ARIH2: variants seen among roughly 807,000 people sequenced by gnomAD.
ARIH2 encodes E3 ubiquitin-protein ligase ARIH2.
ARIH2 carries 12 observed loss-of-function variants against 79.8 expected under a neutral mutation model. The ratio of observed to expected loss-of-function variants is 0.15; its 90% CI spans 0.10 to 0.24. The LOEUF (loss-of-function observed/expected upper bound fraction) is 0.24, where lower values mean the gene tolerates loss of function less well. Among genes scored for constraint, ARIH2 ranks in the 10% least tolerant of loss-of-function variants. The pLI is 1.00. For synonymous variants in ARIH2, 224 were observed against 213.9 expected (o/e 1.05, Z -0.41); for missense variants, 301 against 618.3 (o/e 0.49, Z 5.44).
rs1368321416 is a variant in ARIH2 at position 48,919,334 on chromosome 3, C to T, written c.-162+336C>T. 3 of 702,314 alleles carry T rather than the reference C, an allele frequency of 4.3e-6. No homozygotes were observed. In the Admixed American group the frequency reaches 1.3e-4, roughly 31 times the overall value. 43.5% of individuals were successfully genotyped at this position (702,314 alleles called of 1,614,324 possible). On this transcript the variant is annotated intron_variant, in intron 1 of 15. Coordinates refer to ENST00000356401, the MANE Select transcript of ARIH2 (RefSeq NM_006321.4). ...CCTCGGGGCTCACCACTCGAGTCAT[C>T]TTTGGGAGCTCTCGCAGCGCTGCCC...
intron 3 of ARIH2, among the ~76,000 whole-genome samples, chr3:48,957,735 CAG>C (rs1303734054): frequency 1.3e-5 from 2 of 152,064 alleles, no homozygotes; most frequent in East Asian, 3.9e-4. Context: ...GTTTTTGAGA[CAG>C]AGTCTTACTC....
intron 2 of ARIH2, among the ~76,000 whole-genome samples, chr3:48,923,641 C>A (rs749328616): frequency 2.6e-4 from 40 of 151,738 alleles, no homozygotes; most frequent in Non-Finnish European, 5.2e-4. Context: ...CCTGCTTCAA[C>A]CTCCTGAGTA....
intron 3 of ARIH2, among the ~76,000 whole-genome samples, chr3:48,935,187 C>T (rs959823301): frequency 5.9e-5 from 9 of 152,166 alleles, no homozygotes; most frequent in South Asian, 2.1e-4. Context: ...GAACCTACTA[C>T]GCCTCCTGTT....
chr3:48,981,543 C>CTA, intron 13 of ARIH2, 117 bp from the exon 14 acceptor site: 1 of 709,206 alleles, frequency 1.4e-6, no homozygotes, highest in Non-Finnish European at 2.4e-6. Flanking sequence ...TCTTTCAGGC[C>CTA]TATATCTATA....
Position 48,927,775 on chromosome 3 carries a change from C to G in ARIH2, c.217C>G (p.Leu73Val). The G allele has an allele frequency of 6.2e-7, 1 of 1,614,172 alleles. No homozygotes were observed. Among genetic ancestry groups the G allele is most frequent in the Non-Finnish European group, 8.5e-7 (1 of 1,180,022 alleles). Residue 73 changes from leucine (L) to valine (V), a missense_variant, in exon 3 of 16, where the codon CTC becomes GTC. By Grantham distance (32) the Leu-to-Val change is conservative. Transcript: ENST00000356401. ...CLTYKESEGA[L>V]NEHMTSLASV... ...GACCTACAAGGAATCTGAGGGTGCC[C>G]TCAATGAGCACATGACCAGCTTAGC...
At position 48,983,906 on chromosome 3, in the gene ARIH2, G is replaced by A. The variant is rs1330978489; in HGVS notation, c.*636G>A. The A allele has an allele frequency of 1.3e-5, 2 of 152,782 alleles. No homozygotes were observed. The highest frequency in any genetic ancestry group is 1.9e-4 in the East Asian group (1 of 5,200). The allele number at this position is 152,782 out of a possible 1,614,324, so 9.5% of individuals were successfully genotyped here. ...GCCTCCTGCCTTACCGTGGCAGTAC[G>A]GAGACAGTCCAGAACATGGTCTTCT... On this transcript the variant is annotated 3_prime_UTR_variant, in exon 16 of 16. Transcript: ENST00000356401.
At chr3:48,982,067 T>G (rs190652474) in intron 14 of ARIH2, among the ~76,000 whole-genome samples, 59 of 152,364 alleles carry the variant, frequency 3.9e-4, no homozygotes, top group Non-Finnish European at 2.6e-4. Flanking sequence ...TTGACTGTTT[T>G]ATACCTTGTT....
chr3:48,960,456 T>TAAA (rs56946572), intron 3 of ARIH2, among the ~76,000 whole-genome samples: 7 of 136,458 alleles, frequency 5.1e-5, no homozygotes, highest in African/African-American at 1.9e-4. Flanking sequence ...GCTCATTATT[T>TAAA]AAAAAAAAAA....
intron 3 of ARIH2, among the ~76,000 whole-genome samples, chr3:48,950,948 CTTCT>C (rs1007866426): frequency 1.0e-4 from 15 of 143,696 alleles, no homozygotes; most frequent in African/African-American, 3.8e-4. Flanking sequence ...TTTCTTTCTT[CTTCT>C]TTTTTTTTTT....
chr3:48,946,516 C>A (rs983204507), intron 3 of ARIH2, among the ~76,000 whole-genome samples: 1 of 151,534 alleles, frequency 6.6e-6, no homozygotes, highest in African/African-American at 2.4e-5. Flanking sequence ...TTGGAAAATA[C>A]AAATGACCAT....
rs1010049517 is a variant in ARIH2 at position 48,944,964 on chromosome 3, T to G, written c.256-16648T>G. 1.1e-5 allele frequency: 5 copies of G among 452,740 alleles called. No individual in the cohort carries two copies. In the Admixed American group the frequency reaches 1.4e-4, roughly 13 times the overall value. 28.0% of individuals were successfully genotyped at this position (452,740 alleles called of 1,614,324 possible). The stretch of plus-strand genomic sequence containing the variant: ...GCTGGCCCACAGTTCACTACCTTTC[T>G]TCATTTCTGCTTTTTAGTGAGTGAC... On this transcript the variant is annotated intron_variant, in intron 3 of 15. Coordinates refer to ENST00000356401, the MANE Select transcript of ARIH2 (RefSeq NM_006321.4).
chr3:48,958,449 C>A, intron 3 of ARIH2, among the ~76,000 whole-genome samples: 1 of 152,148 alleles, frequency 6.6e-6, no homozygotes, highest in East Asian at 1.9e-4. Context: ...CGGTGGCTCA[C>A]GCCTGTAATC....
chr3:48,964,083 T>A (rs1297938685), intron 4 of ARIH2, among the ~76,000 whole-genome samples: 1 of 152,018 alleles, frequency 6.6e-6, no homozygotes, highest in East Asian at 1.9e-4. Context: ...CAGGCTGGAG[T>A]GCAGTAGTGC....
intron 11 of ARIH2, among the ~76,000 whole-genome samples, chr3:48,978,683 G>A (rs1465543572): frequency 6.6e-6 from 1 of 151,718 alleles, no homozygotes; most frequent in Non-Finnish European, 1.5e-5. Context: ...TTATTTGCCA[G>A]GCGCAGTGGC....
chr3:48,983,182 T>C lies in ARIH2; in HGVS notation c.1411-17T>C. 6.2e-7 allele frequency: 1 copy of C among 1,614,174 alleles called. No individual in the cohort carries two copies. The highest frequency in any genetic ancestry group is 8.5e-7 in the Non-Finnish European group (1 of 1,179,988). On this transcript the variant is annotated splice_polypyrimidine_tract_variant and intron_variant, in intron 15 of 15. Coordinates refer to ENST00000356401, the MANE Select transcript of ARIH2 (RefSeq NM_006321.4). ...GGCCTGGGCCATGCAAGCACACACC[T>C]TGTTTCTCTGATGCAGGACTTGGAG...
chr3:48,977,309 C>T (rs933533450), intron 11 of ARIH2, among the ~76,000 whole-genome samples: 1 of 152,064 alleles, frequency 6.6e-6, no homozygotes, highest in South Asian at 2.1e-4. Context: ...TGTTTTGTTT[C>T]GTTTTTTGAG....
chr3:48,929,467 A>C (rs1456275663), intron 3 of ARIH2, among the ~76,000 whole-genome samples: 1 of 151,808 alleles, frequency 6.6e-6, no homozygotes, highest in Non-Finnish European at 1.5e-5. Flanking sequence ...CTCATCTCTT[A>C]CTGCCCTTAG....
Position 48,983,398 on chromosome 3 carries a change from C to A in ARIH2, c.*128C>A. 2 of 798,318 alleles carry A rather than the reference C, an allele frequency of 2.5e-6. No individual in the cohort carries two copies. Among genetic ancestry groups the A allele is most frequent in the Non-Finnish European group, 4.3e-6 (2 of 467,466 alleles). 49.5% of individuals were successfully genotyped at this position (798,318 alleles called of 1,614,324 possible). A position where few individuals can be genotyped will look rare whatever the true frequency, so the allele number is the denominator to read the frequency against. On this transcript the variant is annotated 3_prime_UTR_variant, in exon 16 of 16. Transcript: ENST00000356401. ...GCCAGGGCCCCACTCCTGAGAGACACTGGCAACACCTCTTAGTTGATTTCT... is the reference window on the plus strand; with the variant it reads ...GCCAGGGCCCCACTCCTGAGAGACAATGGCAACACCTCTTAGTTGATTTCT...
chr3:48,965,411 T>C (rs1416503451), intron 5 of ARIH2, among the ~76,000 whole-genome samples: 1 of 152,108 alleles, frequency 6.6e-6, no homozygotes, highest in Non-Finnish European at 1.5e-5. Flanking sequence ...ATGCCCACAA[T>C]ATTTGTTCTA....
Sources: allele counts gnomAD v4.1 joint callset (sites outside exome capture counted in the v4.1 genomes callset), GRCh38; gene constraint gnomAD v4.1.1; transcripts MANE v1.5; gene names NCBI Gene and HGNC (gene_info 2026-07-23, HGNC 2026-07-21).